The following SLC23A2 variants were observed in gnomAD, a reference collection of about 807,000 sequenced individuals.
The protein encoded by SLC23A2 is Na(+)/L-ascorbic acid transporter 2.
SLC23A2 carries 36 observed loss-of-function variants against 73.3 expected under a neutral mutation model. The ratio of observed to expected loss-of-function variants is 0.49; its 90% CI spans 0.38 to 0.65. The LOEUF is 0.65. SLC23A2 is among the 30% of genes least tolerant of loss of function. SLC23A2 has a pLI of 0.00. For synonymous variants in SLC23A2, 343 were observed against 327.3 expected (o/e 1.05, Z -0.52); for missense variants, 507 against 841.6 (o/e 0.60, Z 4.92).
chr20:4,882,324 A>G (rs1310986655), intron 9 of SLC23A2, among the ~76,000 whole-genome samples: 2 of 152,074 alleles, frequency 1.3e-5, no homozygotes, highest in Non-Finnish European at 2.9e-5. Context: ...GCAGTGAGCC[A>G]AGATCGCACC....
chr20:4,922,672 A>G (rs1176976585), intron 3 of SLC23A2, among the ~76,000 whole-genome samples: 2 of 152,076 alleles, frequency 1.3e-5, no homozygotes, highest in Non-Finnish European at 2.9e-5. Context: ...ACCAAAAAAT[A>G]CGAAAATTAG....
Position 4,932,456 on chromosome 20 carries a change from G to C in SLC23A2, c.107C>G (p.Pro36Arg). 6.6e-7 allele frequency: 1 copy of C among 1,509,210 alleles called. No individual in the cohort carries two copies. The highest frequency in any genetic ancestry group is 9.2e-7 in the Non-Finnish European group (1 of 1,084,138). 93.5% of individuals were successfully genotyped at this position (1,509,210 alleles called of 1,614,324 possible). ...EAKHPAFFTL[P>R]VVINGGATSS... ...AAGGAAGATGGGGAATATGATTACC[G>C]GAAGAGTGAAGAAAGCTGGGTGCTT... is the stretch of plus-strand genomic sequence containing the variant. The change falls in exon 3 of 17, where the codon CCG becomes CGG. Residue 36 changes from proline (P) to arginine (R), a missense_variant and splice_region_variant. This residue lies in a region of SLC23A2 where 78 missense variants were observed against 86.7 expected (regional missense o/e 0.90). Coordinates refer to ENST00000338244, the MANE Select transcript of SLC23A2 (RefSeq NM_005116.6).
intron 2 of SLC23A2, among the ~76,000 whole-genome samples, chr20:4,963,639 G>A (rs2087427807): frequency 6.6e-6 from 1 of 152,138 alleles, no homozygotes; most frequent in South Asian, 2.1e-4. Flanking sequence ...CTTGAGGCCA[G>A]GAGTTCAAGA....
At chr20:4,932,844 TAC>T in intron 2 of SLC23A2, 128 bp from the exon 3 acceptor site, 1 of 272,592 alleles carries the variant, frequency 3.7e-6, no homozygotes, top group Non-Finnish European at 6.9e-6. Context: ...AAAAATACTT[TAC>T]CTAATTACAG....
rs1036390844 is a variant in SLC23A2 at position 4,997,003 on chromosome 20, G to A, written c.-282+4403C>T. Among the ~76,000 whole-genome samples the A allele has an allele frequency of 3.3e-5, 5 of 152,150 alleles. No homozygotes were observed. In the East Asian group the frequency reaches 9.6e-4, roughly 29 times the overall value. On this transcript the variant is annotated intron_variant, in intron 1 of 16. Coordinates refer to ENST00000338244, the MANE Select transcript of SLC23A2 (RefSeq NM_005116.6). ...AACATGGCCTAAACCAGCTCCTCCA[G>A]CATCTCAGTTAATGGCCTCTTTCTT...
At chr20:4,919,147 C>T (rs1430634104) in intron 3 of SLC23A2, among the ~76,000 whole-genome samples, 4 of 152,180 alleles carry the variant, frequency 2.6e-5, no homozygotes, top group African/African-American at 7.2e-5. Flanking sequence ...ATTCTAAACA[C>T]CCAAAGCTTG....
chr20:4,955,210 C>T (rs1354412298), intron 2 of SLC23A2, among the ~76,000 whole-genome samples: 1 of 151,954 alleles, frequency 6.6e-6, no homozygotes, highest in Admixed American at 6.6e-5. Flanking sequence ...ACAATGACTA[C>T]ATCTCTGCAA....
intron 1 of SLC23A2, among the ~76,000 whole-genome samples, chr20:4,976,849 G>A (rs577881688): frequency 4.0e-5 from 6 of 151,592 alleles, no homozygotes; most frequent in East Asian, 1.9e-4. Context: ...GTACACGCCC[G>A]CCTGTAGTCC....
intron 3 of SLC23A2, among the ~76,000 whole-genome samples, chr20:4,915,431 T>C (rs1932288583): frequency 6.6e-6 from 1 of 152,218 alleles, no homozygotes; most frequent in African/African-American, 2.4e-5. Context: ...CTTTTTCCCC[T>C]TTTTATATTT....
chr20:4,882,645 T>C (rs1361324088), intron 9 of SLC23A2, among the ~76,000 whole-genome samples: 1 of 152,172 alleles, frequency 6.6e-6, no homozygotes, highest in African/African-American at 2.4e-5. Flanking sequence ...TAATTCACTG[T>C]ATGACTCTGG....
chr20:4,955,832 T>A (rs1463107179), intron 2 of SLC23A2, among the ~76,000 whole-genome samples: 1 of 151,708 alleles, frequency 6.6e-6, no homozygotes, highest in Non-Finnish European at 1.5e-5. Context: ...TATATACATG[T>A]GCGATTGAGC....
chr20:4,869,962 G>A lies in SLC23A2; in HGVS notation c.1194C>T (p.Tyr398=), dbSNP rs773395178. 1.2e-6 allele frequency: 2 copies of A among 1,613,788 alleles called. No individual in the cohort carries two copies. The highest frequency in any genetic ancestry group is 1.7e-6 in the Non-Finnish European group (2 of 1,179,760). The change falls in exon 12 of 17, where the codon TAC becomes TAT. Residue 398 remains tyrosine (Y), a synonymous_variant. Transcript: ENST00000338244. ...CACAGGACAGCCGTGCACAGGCGTA[G>A]TAGTCACCAATAGACTCGATGATGC... ...VASIIESIGD[Y]YACARLSCAP...
At chr20:4,996,322 T>C (rs577424108) in intron 1 of SLC23A2, among the ~76,000 whole-genome samples, 1 of 152,068 alleles carries the variant, frequency 6.6e-6, no homozygotes, top group Non-Finnish European at 1.5e-5. Context: ...CACCAGGTGC[T>C]CAATGAGATG....
chr20:4,886,334 G>A (rs961548122), intron 6 of SLC23A2, among the ~76,000 whole-genome samples: 1 of 152,126 alleles, frequency 6.6e-6, no homozygotes, highest in Non-Finnish European at 1.5e-5. Context: ...GGTTATCACA[G>A]GAACAAATTT....
chr20:4,884,902 ATTTT>A, intron 7 of SLC23A2, 79 bp from the exon 8 acceptor site: 1 of 807,072 alleles, frequency 1.2e-6, no homozygotes, highest in Non-Finnish European at 2.0e-6. Flanking sequence ...TTTAAGAAGA[ATTTT>A]CTCCCTGTTT....
At chr20:4,985,198 A>G (rs2087805257) in intron 1 of SLC23A2, among the ~76,000 whole-genome samples, 3 of 151,950 alleles carry the variant, frequency 2.0e-5, no homozygotes, top group South Asian at 2.1e-4. Flanking sequence ...TTCCACTTCT[A>G]TGTATCTACC....
At chr20:4,978,900 G>A (rs1352117628) in intron 1 of SLC23A2, among the ~76,000 whole-genome samples, 1 of 152,148 alleles carries the variant, frequency 6.6e-6, no homozygotes. Flanking sequence ...ACCCTATAGG[G>A]TAAAATCAGA....
Position 4,917,384 on chromosome 20 carries a change from T to C in SLC23A2, c.109-4406A>G, listed in dbSNP as rs539871382. The stretch of plus-strand genomic sequence containing the variant: ...TAATGCCCCCTGAAGATTGTCTGGA[T>C]GGGAGCTCTGTGGTGAGTACAGCGG... On this transcript the variant is annotated intron_variant, in intron 3 of 16. Coordinates refer to ENST00000338244, the MANE Select transcript of SLC23A2 (RefSeq NM_005116.6). 6.6e-5 allele frequency among the ~76,000 whole-genome samples: 10 copies of C among 152,218 alleles called. No individual in the cohort carries two copies. In the East Asian group the frequency reaches 1.9e-3, roughly 29 times the overall value.
In SLC23A2 at chr20:4,857,020, C is replaced by A; in HGVS notation, c.1905G>T (p.Lys635Asn). The A allele has an allele frequency of 6.2e-7, 1 of 1,614,220 alleles. No homozygotes were observed. The highest frequency in any genetic ancestry group is 1.1e-5 in the South Asian group (1 of 91,086). ...FVGYTWKGLR[K>N]SDNSRSSDED... The stretch of plus-strand genomic sequence containing the variant: ...CATCTGAACTCCGGCTGTTGTCGCT[C>A]TTCCTGAGGCCTTTCCATGTGTAGC... The change falls in exon 17 of 17, where the codon AAG (lysine) becomes AAT (asparagine). Residue 635 changes from lysine to asparagine, a missense_variant. Coordinates refer to ENST00000338244, the MANE Select transcript of SLC23A2 (RefSeq NM_005116.6). This position sits in a 1 kb window ranked among gnomAD's most constrained non-coding sequence, Gnocchi z 4.0.
Sources: gnomAD v4.1 joint callset for allele counts (sites outside exome capture counted in the v4.1 genomes callset) on GRCh38, gnomAD v4.1.1 for gene constraint, gnomAD v4.1.1 regional missense constraint, Gnocchi (gnomAD v3.1) non-coding constraint, MANE v1.5 for transcripts, NCBI Gene and HGNC (gene_info 2026-07-23, HGNC 2026-07-21) for gene names.